Variants in GLRA3 observed in about 807,000 individuals in gnomAD.
The protein encoded by GLRA3 is glycine receptor subunit alpha-3.
A neutral mutation model predicts 60.4 loss-of-function variants in GLRA3; 44 were observed. The observed-to-expected ratio is 0.73, with a 90% CI of 0.57 to 0.94. The LOEUF is 0.94. Among genes scored for constraint, GLRA3 ranks in the 40% least tolerant of loss-of-function variants. The pLI is 0.00. For synonymous variants in GLRA3, 223 were observed against 192.9 expected (o/e 1.16, Z -1.29); for missense variants, 508 against 564.6 (o/e 0.90, Z 1.02).
At chr4:174,747,410 C>A (rs947716415) in intron 3 of GLRA3, among the ~76,000 whole-genome samples, 1 of 152,002 alleles carries the variant, frequency 6.6e-6, no homozygotes, top group African/African-American at 2.4e-5. Context: ...TTATACAGGG[C>A]TAGTATAAGC....
At chr4:174,669,107 A>G (rs954908640) in intron 7 of GLRA3, among the ~76,000 whole-genome samples, 4 of 151,976 alleles carry the variant, frequency 2.6e-5, no homozygotes, top group African/African-American at 9.7e-5. Context: ...CTCATTGACT[A>G]TTCATTTAAT....
chr4:174,732,797 GTGTATGTATGTA>G (rs1193669574), intron 3 of GLRA3, among the ~76,000 whole-genome samples: 2 of 151,112 alleles, frequency 1.3e-5, no homozygotes, highest in African/African-American at 4.9e-5. Flanking sequence ...ATATATTTAT[GTGTATGTATGTA>G]TGTGTGTATG....
intron 3 of GLRA3, among the ~76,000 whole-genome samples, chr4:174,764,848 T>A (rs1258041980): frequency 1.3e-5 from 2 of 152,216 alleles, no homozygotes; most frequent in Admixed American, 6.6e-5. Context: ...CTATTTTAGC[T>A]GATACCATTA....
chr4:174,715,420 T>C (rs1735876782), intron 5 of GLRA3, 68 bp downstream of exon 5: 5 of 763,350 alleles, frequency 6.6e-6, no homozygotes, highest in Middle Eastern at 2.3e-4. Context: ...ATTATCCATA[T>C]TAGGCATTAA....
At chr4:174,706,213 G>C (rs1209259309) in intron 5 of GLRA3, among the ~76,000 whole-genome samples, 2 of 151,366 alleles carry the variant, frequency 1.3e-5, no homozygotes, top group Non-Finnish European at 2.9e-5. Flanking sequence ...CTGGGCGAAA[G>C]GGCGAGACTC....
intron 8 of GLRA3, 121 bp from the exon 9 acceptor site, chr4:174,656,908 C>A (rs1337271986): frequency 3.5e-6 from 2 of 567,454 alleles, no homozygotes; most frequent in African/African-American, 1.9e-5. Context: ...ACATATGTAG[C>A]AATTAATAGA....
intron 1 of GLRA3, among the ~76,000 whole-genome samples, chr4:174,807,496 A>C (rs1244998645): frequency 4.6e-5 from 7 of 152,080 alleles, no homozygotes; most frequent in Non-Finnish European, 1.0e-4. Context: ...CTATCCAGAA[A>C]ATTTTCAGAA....
chr4:174,771,949 G>T (rs1386581029), intron 2 of GLRA3, among the ~76,000 whole-genome samples: 1 of 152,098 alleles, frequency 6.6e-6, no homozygotes, highest in Non-Finnish European at 1.5e-5. Context: ...ATCTGTGCTG[G>T]CACATTTCAG....
In GLRA3 at chr4:174,677,195, T is replaced by G. The variant is rs200957544; in HGVS notation, c.810A>C (p.Leu270=). The G allele has an allele frequency of 1.2e-6, 2 of 1,612,322 alleles. No homozygotes were observed. Among genetic ancestry groups the G allele is most frequent in the Admixed American group, 1.7e-5 (1 of 59,988 alleles). ...MYIPSLLIVI[L]SWVSFWINMD... is the part of the protein sequence containing the mutation. ...TGTTGATCCAGAATGAAACCCAGGA[T>G]AGAATAACAATCAGGAGACTGGGAA... Residue 270 remains leucine, a synonymous_variant, in exon 7 of 10, where the codon CTA becomes CTC. Transcript: ENST00000274093.
intron 3 of GLRA3, among the ~76,000 whole-genome samples, chr4:174,731,646 T>C (rs891604918): frequency 6.6e-6 from 1 of 152,148 alleles, no homozygotes; most frequent in Non-Finnish European, 1.5e-5. Context: ...AAAATAAAGG[T>C]TAATAAATTC....
intron 3 of GLRA3, among the ~76,000 whole-genome samples, chr4:174,729,845 T>C (rs1449524291): frequency 1.3e-5 from 2 of 152,206 alleles, no homozygotes; most frequent in African/African-American, 4.8e-5. Context: ...TTCTATTTCT[T>C]GAATACCAAA....
chr4:174,778,261 A>G (rs1243947611), intron 2 of GLRA3, among the ~76,000 whole-genome samples: 1 of 152,098 alleles, frequency 6.6e-6, no homozygotes. Flanking sequence ...AAGAGAAAAG[A>G]TTTCCAATTC....
At chr4:174,821,127 T>C (rs1015895111) in intron 1 of GLRA3, among the ~76,000 whole-genome samples, 1 of 152,114 alleles carries the variant, frequency 6.6e-6, no homozygotes, top group African/African-American at 2.4e-5. Context: ...GAAAAACAAA[T>C]GACATAGAAA....
intron 3 of GLRA3, among the ~76,000 whole-genome samples, chr4:174,732,171 A>G (rs1271264077): frequency 1.3e-5 from 2 of 152,188 alleles, no homozygotes; most frequent in Non-Finnish European, 2.9e-5. Flanking sequence ...CCTGGCCAAC[A>G]TGGTGAAACC....
chr4:174,819,190 A>G (rs1037819215), intron 1 of GLRA3, among the ~76,000 whole-genome samples: 9 of 152,240 alleles, frequency 5.9e-5, no homozygotes, highest in African/African-American at 2.2e-4. Context: ...GGACAAGTGA[A>G]TATAGAGTAG....
At chr4:174,654,626 T>C (rs1403625516) in intron 9 of GLRA3, among the ~76,000 whole-genome samples, 1 of 152,178 alleles carries the variant, frequency 6.6e-6, no homozygotes, top group African/African-American at 2.4e-5. Flanking sequence ...TGGAGGAAGC[T>C]ACATGAAATG....
chr4:174,651,824 C>G (rs1733029812), intron 9 of GLRA3, among the ~76,000 whole-genome samples: 1 of 152,010 alleles, frequency 6.6e-6, no homozygotes, highest in South Asian at 2.1e-4. Context: ...TAAATGTGTT[C>G]CATGAAAGAG....
At position 174,642,115 on chromosome 4, in the gene GLRA3, C is replaced by G; in HGVS notation, c.*1671G>C. The G allele has an allele frequency of 1.1e-6, 1 of 897,060 alleles. No homozygotes were observed. The highest frequency in any genetic ancestry group is 5.1e-5 in the South Asian group (1 of 19,464). 55.6% of individuals were successfully genotyped at this position (897,060 alleles called of 1,614,324 possible). A position where few individuals can be genotyped will look rare whatever the true frequency, so the allele number is the denominator to read the frequency against. On this transcript the variant is annotated 3_prime_UTR_variant, in exon 10 of 10. Transcript: ENST00000274093. ...TTAAGTTACTTATAAAGGAGGGGAA[C>G]TTGGTCTTTTACTAGCAAAAACTGC...
chr4:174,675,560 G>A (rs937959039), intron 7 of GLRA3, among the ~76,000 whole-genome samples: 1 of 152,074 alleles, frequency 6.6e-6, no homozygotes, highest in African/African-American at 2.4e-5. Flanking sequence ...TGAGTAAACT[G>A]ACGATTTCCT....
Sources: allele counts gnomAD v4.1 joint callset (sites outside exome capture counted in the v4.1 genomes callset), GRCh38; gene constraint gnomAD v4.1.1; transcripts MANE v1.5; gene names NCBI Gene and HGNC (gene_info 2026-07-23, HGNC 2026-07-21).